OXR1: variants seen among roughly 807,000 people sequenced by gnomAD.
The protein encoded by OXR1 is oxidation resistance protein 1.
In OXR1, 41 loss-of-function variants were observed where a neutral mutation model predicts 104.6. The observed-to-expected ratio is 0.39, with a 90% CI of 0.31 to 0.51. OXR1 has a LOEUF of 0.51. Among genes scored for constraint, OXR1 ranks in the 20% least tolerant of loss-of-function variants. The pLI is 0.77. For missense variants in OXR1, 955 were observed against 1,031.9 expected, an observed-to-expected ratio of 0.93 and a Z score of 1.02; for synonymous variants, 348 against 348.4, an observed-to-expected ratio of 1.00 and a Z score of 0.01.
chr8:106,296,590 T>C (rs1813004642), intron 1 of OXR1, among the ~76,000 whole-genome samples: 1 of 152,222 alleles, frequency 6.6e-6, no homozygotes, highest in African/African-American at 2.4e-5. Context: ...TATTGAGTTC[T>C]GGTTTTCTCA....
chr8:106,702,677 C>A (rs1344166429), intron 7 of OXR1, among the ~76,000 whole-genome samples: 2 of 152,014 alleles, frequency 1.3e-5, no homozygotes, highest in Admixed American at 1.3e-4. Context: ...CATTTTATTT[C>A]CTTACTTGAT....
chr8:106,472,675 A>G (rs180705625), intron 2 of OXR1, among the ~76,000 whole-genome samples: 2 of 151,966 alleles, frequency 1.3e-5, no homozygotes, highest in East Asian at 3.9e-4. Context: ...ATGCAATTAA[A>G]TTACATTATT....
chr8:106,739,416 C>T, intron 12 of OXR1, 42 bp from the exon 13 acceptor site: 1 of 1,562,622 alleles, frequency 6.4e-7, no homozygotes, highest in Non-Finnish European at 8.8e-7. Flanking sequence ...GAAAGCATGT[C>T]ACAAGTTTAC....
At chr8:106,397,671 G>A (rs1044889184) in intron 2 of OXR1, among the ~76,000 whole-genome samples, 1 of 151,686 alleles carries the variant, frequency 6.6e-6, no homozygotes, top group African/African-American at 2.4e-5. Flanking sequence ...AGCTAATAAG[G>A]TTTTACCTCA....
chr8:106,404,807 GC>G (rs1563757516), intron 2 of OXR1, among the ~76,000 whole-genome samples: 1 of 151,936 alleles, frequency 6.6e-6, no homozygotes, highest in Non-Finnish European at 1.5e-5. Context: ...CCAGGTTCAT[GC>G]CTTTGTCCTG....
chr8:106,709,517 C>T (rs1831488717), intron 9 of OXR1, among the ~76,000 whole-genome samples: 1 of 150,374 alleles, frequency 6.7e-6, no homozygotes, highest in African/African-American at 2.5e-5. Flanking sequence ...TGATAGTTAC[C>T]TTATATTATA....
At chr8:106,574,002 CGCAAACT>C (rs1269656615) in intron 3 of OXR1, among the ~76,000 whole-genome samples, 2 of 152,048 alleles carry the variant, frequency 1.3e-5, no homozygotes, top group African/African-American at 4.8e-5. Flanking sequence ...ACTCTGCACT[CGCAAACT>C]GCTATATTAA....
At chr8:106,346,657 A>G (rs554638863) in intron 1 of OXR1, among the ~76,000 whole-genome samples, 63 of 152,094 alleles carry the variant, frequency 4.1e-4, no homozygotes, top group Non-Finnish European at 7.4e-4. Context: ...TGCCAGTGGC[A>G]ACATCATTTC....
At chr8:106,467,484 C>G (rs1324420034) in intron 2 of OXR1, among the ~76,000 whole-genome samples, 1 of 151,840 alleles carries the variant, frequency 6.6e-6, no homozygotes, top group Non-Finnish European at 1.5e-5. Context: ...CAGCATGACC[C>G]TCAGCCTAAG....
chr8:106,428,478 A>G (rs1022612433), intron 2 of OXR1, among the ~76,000 whole-genome samples: 1 of 152,204 alleles, frequency 6.6e-6, no homozygotes, highest in Non-Finnish European at 1.5e-5. Flanking sequence ...TAGATAAAGC[A>G]AAAGGAGGAA....
chr8:106,397,022 A>G (rs929752147), intron 2 of OXR1, among the ~76,000 whole-genome samples: 3 of 152,172 alleles, frequency 2.0e-5, no homozygotes, highest in African/African-American at 7.2e-5. Context: ...TATGTATAAT[A>G]TGCTACTATT....
intron 3 of OXR1, among the ~76,000 whole-genome samples, chr8:106,594,724 G>C (rs1328186995): frequency 6.6e-6 from 1 of 152,202 alleles, no homozygotes; most frequent in East Asian, 1.9e-4. Flanking sequence ...AGAATGAACT[G>C]ATTCATATTG....
chr8:106,487,126 C>A (rs112160801), intron 2 of OXR1, among the ~76,000 whole-genome samples: 1 of 150,652 alleles, frequency 6.6e-6, no homozygotes, highest in South Asian at 2.1e-4. Context: ...CGGGTTCAAG[C>A]GATTCTCCTG....
intron 2 of OXR1, among the ~76,000 whole-genome samples, chr8:106,455,938 T>G (rs548950448): frequency 3.3e-5 from 5 of 152,318 alleles, no homozygotes; most frequent in Non-Finnish European, 7.4e-5. Flanking sequence ...ATTCAAAAAC[T>G]TTAAAAAATA....
At chr8:106,586,741 A>C (rs917790383) in intron 3 of OXR1, among the ~76,000 whole-genome samples, 1 of 152,154 alleles carries the variant, frequency 6.6e-6, no homozygotes, top group African/African-American at 2.4e-5. Context: ...GTGGAGGAGG[A>C]AAATCAGGAG....
chr8:106,633,663 C>T (rs1489277100), intron 3 of OXR1, among the ~76,000 whole-genome samples: 1 of 152,154 alleles, frequency 6.6e-6, no homozygotes, highest in Non-Finnish European at 1.5e-5. Context: ...TTACTCTGTG[C>T]TGATAGAATT....
At chr8:106,685,696 TA>T (rs61159962) in intron 6 of OXR1, among the ~76,000 whole-genome samples, 5,883 of 135,570 alleles carry the variant, frequency 0.043, 106 homozygotes, top group African/African-American at 0.055. Context: ...TGGGATAGAT[TA>T]AAAAAAAAAA....
intron 3 of OXR1, among the ~76,000 whole-genome samples, chr8:106,581,545 A>C (rs1167331752): frequency 6.6e-6 from 1 of 151,946 alleles, no homozygotes; most frequent in Non-Finnish European, 1.5e-5. Context: ...ATTTCTATTA[A>C]TGTCACTTGA....
At chr8:106,316,123 C>A (rs1813927033) in intron 1 of OXR1, among the ~76,000 whole-genome samples, 1 of 152,156 alleles carries the variant, frequency 6.6e-6, no homozygotes, top group African/African-American at 2.4e-5. Context: ...TGTGGCTCAA[C>A]ATTGGTAACA....
Sources: allele counts gnomAD v4.1 joint callset (sites outside exome capture counted in the v4.1 genomes callset), GRCh38; gene constraint gnomAD v4.1.1; transcripts MANE v1.5; gene names NCBI Gene and HGNC (gene_info 2026-07-23, HGNC 2026-07-21).